The following FARS2 variants were observed in gnomAD, a reference collection of about 807,000 sequenced individuals.
FARS2 encodes the protein phenylalanine--tRNA ligase, mitochondrial.
Under a neutral mutation model 46.4 loss-of-function variants are expected in FARS2, and 40 were observed. That is an observed-to-expected ratio of 0.86 (90% confidence interval 0.67 to 1.12). The LOEUF is 1.12. Among genes scored for constraint, FARS2 ranks in the 50% most tolerant of loss-of-function variants. The pLI is 0.00. For missense variants in FARS2, 513 were observed against 567.9 expected (o/e 0.90, Z 0.98); for synonymous variants, 234 against 214.9 (o/e 1.09, Z -0.78).
At chr6:5,700,864 G>T (rs1758388940) in intron 6 of FARS2, among the ~76,000 whole-genome samples, 1 of 152,186 alleles carries the variant, frequency 6.6e-6, no homozygotes, top group Admixed American at 6.5e-5. Context: ...AGAGAGTCCT[G>T]TCGTTTGGGG....
chr6:5,611,645 T>G (rs1775192636), intron 5 of FARS2, among the ~76,000 whole-genome samples: 1 of 152,250 alleles, frequency 6.6e-6, no homozygotes, highest in Admixed American at 6.5e-5. Flanking sequence ...GCTTGCAATA[T>G]AATAAGCTGT....
At chr6:5,258,232 T>C (rs1023816843), upstream of FARS2, among the ~76,000 whole-genome samples, 2 of 152,212 alleles carry the variant, frequency 1.3e-5, no homozygotes, top group African/African-American at 4.8e-5. Context: ...ATTATAGGTC[T>C]TGCAAGAGAG....
intron 2 of FARS2, among the ~76,000 whole-genome samples, chr6:5,383,627 C>T (rs935211426): frequency 2.0e-5 from 3 of 152,190 alleles, no homozygotes; most frequent in East Asian, 1.9e-4. Flanking sequence ...AGCTAATGGT[C>T]GCTGCCCTGC....
At chr6:5,524,721 G>A (rs556569618) in intron 4 of FARS2, among the ~76,000 whole-genome samples, 1 of 152,308 alleles carries the variant, frequency 6.6e-6, no homozygotes, top group African/African-American at 2.4e-5. Context: ...TTGAATCAGA[G>A]AGAGATTCAA....
intron 4 of FARS2, among the ~76,000 whole-genome samples, chr6:5,440,796 A>G (rs1208986901): frequency 6.6e-6 from 1 of 151,966 alleles, no homozygotes; most frequent in African/African-American, 2.4e-5. Context: ...AGTAGCTGGG[A>G]GTACAGGCAT....
At chr6:5,613,710 C>A (rs760023180) in intron 6 of FARS2, among the ~76,000 whole-genome samples, 2 of 152,190 alleles carry the variant, frequency 1.3e-5, no homozygotes, top group Non-Finnish European at 2.9e-5. Flanking sequence ...GCACTTACCA[C>A]ACGCCAAGAT....
At chr6:5,426,274 T>C (rs1373017462) in intron 3 of FARS2, among the ~76,000 whole-genome samples, 2 of 152,236 alleles carry the variant, frequency 1.3e-5, no homozygotes, top group African/African-American at 2.4e-5. Context: ...GTTAGTCTTA[T>C]GCATAATGAA....
rs1000376824 is a variant in FARS2 at position 5,771,323 on chromosome 6, C to T, written c.1250C>T (p.Thr417Met). The T allele has an allele frequency of 5.6e-6, 9 of 1,614,216 alleles. No individual in the cohort carries two copies. Among genetic ancestry groups the T allele is most frequent in the East Asian group, 2.2e-5 (1 of 44,882 alleles). ...AAGACCAGCCACTGCTACCGCATCA[C>T]GTACCGCCACATGGAACGGACTCTG... ...THKTSHCYRI[T>M]YRHMERTLSQ... is the part of the protein sequence containing the mutation. Residue 417 changes from threonine (T) to methionine (M), a missense_variant, in exon 7 of 7, where the codon ACG becomes ATG. Transcript: ENST00000274680.
chr6:5,368,866 A>G lies in FARS2; in HGVS notation c.296A>G (p.Lys99Arg). The G allele has an allele frequency of 6.2e-7, 1 of 1,614,118 alleles. No homozygotes were observed. The highest frequency in any genetic ancestry group is 8.5e-7 in the Non-Finnish European group (1 of 1,180,000). The change falls in exon 2 of 7, where the codon AAG becomes AGG. Residue 99 changes from lysine (K) to arginine (R), a missense_variant. Transcript: ENST00000274680. ...IKERVKEHFYKQYVGRFGTPL... is the reference protein window; with the variant it reads ...IKERVKEHFYRQYVGRFGTPL... ...GAGAGGGTGAAGGAGCACTTCTACA[A>G]GCAGTATGTGGGCCGCTTTGGGACC...
chr6:5,578,680 G>A (rs1320516184), intron 5 of FARS2, among the ~76,000 whole-genome samples: 2 of 151,514 alleles, frequency 1.3e-5, no homozygotes, highest in Non-Finnish European at 2.9e-5. Context: ...GTGGTGGTGG[G>A]CGCCTATAGT....
At chr6:5,341,957 G>T (rs1535292) in intron 1 of FARS2, among the ~76,000 whole-genome samples, 103,968 of 152,124 alleles carry the variant, frequency 0.68, 36,284 homozygotes, top group East Asian at 0.82. Context: ...TCAAATTACA[G>T]TGGAAGTAAG....
intron 5 of FARS2, among the ~76,000 whole-genome samples, chr6:5,591,357 T>C (rs1773907784): frequency 6.6e-6 from 1 of 152,226 alleles, no homozygotes; most frequent in Admixed American, 6.5e-5. Context: ...TGATTGAATA[T>C]GAGAAGAAAT....
intron 4 of FARS2, among the ~76,000 whole-genome samples, chr6:5,444,323 T>C (rs563896649): frequency 1.8e-4 from 28 of 151,788 alleles, no homozygotes; most frequent in African/African-American, 6.0e-4. Flanking sequence ...AAAAATTAGC[T>C]GGGCATGGTG....
chr6:5,550,011 C>T (rs1771275800), intron 5 of FARS2, among the ~76,000 whole-genome samples: 1 of 152,132 alleles, frequency 6.6e-6, no homozygotes, highest in Non-Finnish European at 1.5e-5. Flanking sequence ...ATGATTCATC[C>T]TGGGGCAAAA....
chr6:5,436,804 A>G (rs1054094578), intron 4 of FARS2, among the ~76,000 whole-genome samples: 3 of 152,222 alleles, frequency 2.0e-5, no homozygotes, highest in Non-Finnish European at 4.4e-5. Context: ...AGATATGCAT[A>G]TTAAACAAAT....
At chr6:5,518,843 A>T (rs1266504964) in intron 4 of FARS2, among the ~76,000 whole-genome samples, 1 of 152,192 alleles carries the variant, frequency 6.6e-6, no homozygotes, top group Non-Finnish European at 1.5e-5. Context: ...ATTAGCAGCA[A>T]AACTAATTCC....
intron 3 of FARS2, among the ~76,000 whole-genome samples, chr6:5,413,945 A>G (rs1665861446): frequency 6.6e-6 from 1 of 152,114 alleles, no homozygotes; most frequent in Non-Finnish European, 1.5e-5. Context: ...GCTTAGTTGG[A>G]CTGCTGATTA....
At chr6:5,604,720 G>T (rs1272802328) in intron 5 of FARS2, among the ~76,000 whole-genome samples, 1 of 152,064 alleles carries the variant, frequency 6.6e-6, no homozygotes, top group Non-Finnish European at 1.5e-5. Flanking sequence ...CAATATCGAG[G>T]TATACACAGT....
chr6:5,443,932 G>T (rs533486475), intron 4 of FARS2, among the ~76,000 whole-genome samples: 2 of 152,142 alleles, frequency 1.3e-5, no homozygotes, highest in Admixed American at 6.5e-5. Context: ...GAAAGAACTT[G>T]ACTTTTTTAC....
Sources: gnomAD v4.1 joint callset for allele counts (sites outside exome capture counted in the v4.1 genomes callset) on GRCh38, gnomAD v4.1.1 for gene constraint, MANE v1.5 for transcripts, NCBI Gene and HGNC (gene_info 2026-07-23, HGNC 2026-07-21) for gene names.